VDAC1: variants seen among roughly 807,000 people sequenced by gnomAD.
VDAC1 encodes non-selective voltage-gated ion channel VDAC1.
Under a neutral mutation model 34.7 loss-of-function variants are expected in VDAC1, and 10 were observed. The ratio of observed to expected loss-of-function variants is 0.29; its 90% CI spans 0.18 to 0.49. VDAC1 has a LOEUF of 0.49. Ranked by LOEUF, VDAC1 falls within the 20% of genes least tolerant of loss-of-function variation. The pLI is 0.99. For synonymous variants in VDAC1, 130 were observed against 136.0 expected (o/e 0.96, Z 0.30); for missense variants, 230 against 347.9 (o/e 0.66, Z 2.69).
chr5:134,003,122 CAA>C (rs776631761), intron 1 of VDAC1, among the ~76,000 whole-genome samples: 2 of 152,294 alleles, frequency 1.3e-5, no homozygotes, highest in East Asian at 3.9e-4. Context: ...GATTCTGACA[CAA>C]GAGTGCATTT....
At chr5:134,005,827 A>C (rs2288834), upstream of VDAC1, among the ~76,000 whole-genome samples, 2 of 152,040 alleles carry the variant, frequency 1.3e-5, no homozygotes, top group African/African-American at 4.8e-5. Context: ...CGAAGATTCT[A>C]CACATCCTTC....
At chr5:134,100,976 G>A in the VDAC1 span, among the ~76,000 whole-genome samples, 1 of 152,262 alleles carries the variant, frequency 6.6e-6, no homozygotes, top group Non-Finnish European at 1.5e-5. Flanking sequence ...TCTTGGCCTG[G>A]CTTCCTCCTT....
chr5:134,019,012 C>T, the VDAC1 span, among the ~76,000 whole-genome samples: 1 of 152,178 alleles, frequency 6.6e-6, no homozygotes, highest in African/African-American at 2.4e-5. Flanking sequence ...CTCCTTGACT[C>T]TGCCCCATGC....
At chr5:134,080,586 G>A in the VDAC1 span, among the ~76,000 whole-genome samples, 1 of 152,238 alleles carries the variant, frequency 6.6e-6, no homozygotes, top group African/African-American at 2.4e-5. Flanking sequence ...TTAAGTCGCG[G>A]AGGTACAGTA....
At chr5:134,004,728 A>C (rs1753697493) in intron 1 of VDAC1, 167 bp downstream of exon 1, 1 of 150,724 alleles carries the variant, frequency 6.6e-6, no homozygotes, top group South Asian at 2.0e-4. Context: ...CAGGGAGCGG[A>C]GCCGAGCGAG....
intron 5 of VDAC1, among the ~76,000 whole-genome samples, chr5:133,989,819 A>G (rs1211774739): frequency 1.3e-5 from 2 of 152,022 alleles, no homozygotes; most frequent in Non-Finnish European, 2.9e-5. Flanking sequence ...TGCGCCCACC[A>G]GGCGCAGCTA....
chr5:133,997,847 T>C (rs1753387653), intron 1 of VDAC1, among the ~76,000 whole-genome samples: 2 of 152,160 alleles, frequency 1.3e-5, no homozygotes, highest in Non-Finnish European at 2.9e-5. Context: ...GCGGGTCACC[T>C]GAGGTCAGGA....
chr5:134,068,795 A>G, the VDAC1 span, among the ~76,000 whole-genome samples: 4 of 151,964 alleles, frequency 2.6e-5, no homozygotes, highest in Admixed American at 1.3e-4. Context: ...CATTCTCTCC[A>G]TTGTCTTCTG....
the VDAC1 span, among the ~76,000 whole-genome samples, chr5:134,086,933 G>A: frequency 6.6e-6 from 1 of 152,098 alleles, no homozygotes; most frequent in African/African-American, 2.4e-5. Flanking sequence ...AAGTACACTT[G>A]AAGAAAAAAG....
chr5:134,099,722 G>A, the VDAC1 span, among the ~76,000 whole-genome samples: 4 of 152,206 alleles, frequency 2.6e-5, no homozygotes, highest in African/African-American at 9.6e-5. Flanking sequence ...CTGGACTACA[G>A]GCGCATGCCA....
chr5:134,090,688 C>T, the VDAC1 span, among the ~76,000 whole-genome samples: 1 of 152,230 alleles, frequency 6.6e-6, no homozygotes. Context: ...CCACCCCCTG[C>T]CACTGAAAGG....
chr5:134,057,560 A>G, the VDAC1 span, among the ~76,000 whole-genome samples: 1 of 149,088 alleles, frequency 6.7e-6, no homozygotes, highest in African/African-American at 2.5e-5. Flanking sequence ...GTGGTGGCTC[A>G]TGCCTGTAAT....
At chr5:133,993,467 G>T (rs1305089750) in intron 1 of VDAC1, among the ~76,000 whole-genome samples, 1 of 152,144 alleles carries the variant, frequency 6.6e-6, no homozygotes, top group Non-Finnish European at 1.5e-5. Flanking sequence ...GCTTTTCATG[G>T]GAACATCATT....
chr5:134,090,608 C>T, the VDAC1 span, among the ~76,000 whole-genome samples: 3 of 152,168 alleles, frequency 2.0e-5, no homozygotes, highest in African/African-American at 4.8e-5. Context: ...CACCCTTGGG[C>T]CCCGTGCCAG....
chr5:134,070,064 A>T, the VDAC1 span, among the ~76,000 whole-genome samples: 1 of 149,074 alleles, frequency 6.7e-6, no homozygotes, highest in African/African-American at 2.5e-5. Flanking sequence ...AGCATGTGAT[A>T]AAAAAAAAAC....
chr5:134,058,851 C>A, the VDAC1 span, among the ~76,000 whole-genome samples: 2 of 152,226 alleles, frequency 1.3e-5, no homozygotes, highest in Admixed American at 1.3e-4. Context: ...ACAAGCCTCT[C>A]TGCAGGGAAC....
the VDAC1 span, among the ~76,000 whole-genome samples, chr5:134,036,787 A>G: frequency 1.3e-5 from 2 of 151,896 alleles, no homozygotes; most frequent in Non-Finnish European, 2.9e-5. Flanking sequence ...CCTCATCTCT[A>G]CTAAAAATAC....
the VDAC1 span, among the ~76,000 whole-genome samples, chr5:134,095,953 G>A: frequency 6.6e-6 from 1 of 152,164 alleles, no homozygotes; most frequent in East Asian, 1.9e-4. Flanking sequence ...GACAAGCCCA[G>A]AGCCATAGAG....
chr5:133,996,153 T>C (rs1386020200), intron 1 of VDAC1, among the ~76,000 whole-genome samples: 1 of 152,216 alleles, frequency 6.6e-6, no homozygotes, highest in Non-Finnish European at 1.5e-5. Flanking sequence ...CCTCTCTGCC[T>C]GAGTGATGGC....
Sources: gnomAD v4.1 joint callset for allele counts (sites outside exome capture counted in the v4.1 genomes callset) on GRCh38, gnomAD v4.1.1 for gene constraint, MANE v1.5 for transcripts, NCBI Gene and HGNC (gene_info 2026-07-23, HGNC 2026-07-21) for gene names.